GET4: variants seen among roughly 807,000 people sequenced by gnomAD.
GET4 encodes the protein guided entry of tail-anchored proteins factor 4.
In GET4, 20 loss-of-function variants were observed where a neutral mutation model predicts 40.0. The observed-to-expected ratio is 0.50, with a 90% CI of 0.35 to 0.73. GET4 has a LOEUF of 0.73. Among genes scored for constraint, GET4 ranks in the 30% least tolerant of loss-of-function variants. The pLI is 0.01. For synonymous variants in GET4, 280 were observed against 194.6 expected, an observed-to-expected ratio of 1.44 and a Z score of -3.65; for missense variants, 557 against 454.0, an observed-to-expected ratio of 1.23 and a Z score of -2.06.
Position 895,632 on chromosome 7 carries a change from C to CAAGAG in GET4, c.*210_*211insAAGAG. 2 of 427,146 alleles carry CAAGAG rather than the reference C, an allele frequency of 4.7e-6. No homozygotes were observed. The highest frequency in any genetic ancestry group is 7.5e-5 in the East Asian group (2 of 26,688). The allele number at this position is 427,146 out of a possible 1,614,324, so 26.5% of individuals were successfully genotyped here. Reference sequence around the variant, plus strand: ...GGGACCCAAGAGTGGGGCGTCGCCCCTGCTGGCCGCCGCGTCCCCCGAGAT... The same window carrying CAAGAG: ...GGGACCCAAGAGTGGGGCGTCGCCCCAAGAGTGCTGGCCGCCGCGTCCCCCGAGAT... On this transcript the variant is annotated 3_prime_UTR_variant, in exon 9 of 9. Coordinates refer to ENST00000265857, the MANE Select transcript of GET4 (RefSeq NM_015949.3).
chr7:878,817 G>A (rs1207171192), intron 1 of GET4, among the ~76,000 whole-genome samples: 1 of 152,152 alleles, frequency 6.6e-6, no homozygotes, highest in Non-Finnish European at 1.5e-5. Context: ...CTGACCTCGC[G>A]ATCCGCCCAC....
At chr7:886,515 C>G in intron 2 of GET4, 54 bp from the exon 3 acceptor site, 1 of 1,344,990 alleles carries the variant, frequency 7.4e-7, no homozygotes, top group Non-Finnish European at 1.1e-6. Flanking sequence ...TCTTTGCTGT[C>G]CTGAACAGGT....
rs1844183069 is a variant in GET4 at position 886,140 on chromosome 7, C to T, written c.234+6C>T. 1 of 1,583,146 alleles carries T rather than the reference C, an allele frequency of 6.3e-7. No individual in the cohort carries two copies. Among genetic ancestry groups the T allele is most frequent in the Non-Finnish European group, 8.7e-7 (1 of 1,152,706 alleles). On this transcript the variant is annotated splice_donor_region_variant and intron_variant, in intron 2 of 8. Transcript: ENST00000265857. ...TCTTCTTCAGCCATGGCCAGGTAAG[C>T]CGTCTTGCTTCCTCCTGCATCCCTT...
At position 894,892 on chromosome 7, in the gene GET4, C is replaced by T. The variant is rs77949983; in HGVS notation, c.896-442C>T. ...CGCAGTTGGCCCCTGTGGGAGCAGC[C>T]GTTGAAGCTTTGGCACATCCAGTTG... On this transcript the variant is annotated intron_variant, in intron 8 of 8. Transcript: ENST00000265857. 6.2e-3 allele frequency among the ~76,000 whole-genome samples: 948 copies of T among 152,318 alleles called. 36 individuals are homozygous for T. The East Asian group carries it at 0.1, about 16-fold the overall frequency.
At chr7:882,582 TGG>T (rs1844107799) in intron 1 of GET4, 1 of 150,556 alleles carries the variant, frequency 6.6e-6, no homozygotes, top group African/African-American at 2.5e-5. Flanking sequence ...GCTCCAGGGA[TGG>T]CGCGGGTTGT....
rs369938903 is a variant in GET4 at position 896,065 on chromosome 7, CTG to C, written c.*646_*647del. 2.0e-5 allele frequency: 3 copies of C among 152,248 alleles called. No homozygotes were observed. The highest frequency in any genetic ancestry group is 7.2e-5 in the African/African-American group (3 of 41,460). The allele number at this position is 152,248 out of a possible 1,614,324, so 9.4% of individuals were successfully genotyped here. A position where few individuals can be genotyped will look rare whatever the true frequency, so the allele number is the denominator to read the frequency against. ...TCCCAGAGCTGCGCCCTGCTGGTCT[CTG>C]TGAGCGCCACGCTGCTGTGCTGGAA... On this transcript the variant is annotated 3_prime_UTR_variant, in exon 9 of 9. Transcript: ENST00000265857.
intron 8 of GET4, among the ~76,000 whole-genome samples, chr7:894,771 G>A (rs60204848): frequency 6.2e-4 from 95 of 152,342 alleles, no homozygotes; most frequent in African/African-American, 1.9e-3. Flanking sequence ...CAAAGAACAC[G>A]GTGTAACGTC....
At chr7:890,901 T>G (rs758862601) in intron 4 of GET4, 27 bp from the exon 5 acceptor site, 7 of 1,544,994 alleles carry the variant, frequency 4.5e-6, no homozygotes, top group Non-Finnish European at 5.4e-6. Flanking sequence ...TGAAATGTAT[T>G]TACATTTTTC....
At chr7:894,218 C>T (rs1221479705) in intron 8 of GET4, among the ~76,000 whole-genome samples, 2 of 152,098 alleles carry the variant, frequency 1.3e-5, no homozygotes, top group East Asian at 3.9e-4. Flanking sequence ...CATTTCCTGG[C>T]AGGGATCACA....
intron 8 of GET4, among the ~76,000 whole-genome samples, chr7:894,772 G>C (rs894250194): frequency 5.3e-5 from 8 of 152,370 alleles, no homozygotes; most frequent in Admixed American, 2.6e-4. Flanking sequence ...AAAGAACACG[G>C]TGTAACGTCT....
At chr7:884,867 G>C (rs1343874010) in intron 1 of GET4, 2 of 153,704 alleles carry the variant, frequency 1.3e-5, no homozygotes, top group Non-Finnish European at 2.9e-5. Flanking sequence ...CTGCGGCCTT[G>C]ACTACCCGGA....
intron 3 of GET4, 63 bp downstream of exon 3, chr7:886,713 G>C: frequency 9.5e-7 from 1 of 1,054,330 alleles, no homozygotes. Flanking sequence ...CCCTCCCCGG[G>C]TCTCTGCGCT....
intron 1 of GET4, chr7:880,167 C>T (rs964760136): frequency 2.0e-5 from 3 of 152,270 alleles, no homozygotes; most frequent in African/African-American, 7.2e-5. Flanking sequence ...CATGGAGAAA[C>T]CCTGTCTCTA....
Position 876,682 on chromosome 7 carries a change from GC to G in GET4, c.40del (p.Arg14GlyfsTer101). The G allele has an allele frequency of 7.5e-7, 1 of 1,341,644 alleles. No individual in the cohort carries two copies. The highest frequency in any genetic ancestry group is 9.7e-7 in the Non-Finnish European group (1 of 1,033,406). 83.1% of individuals were successfully genotyped at this position (1,341,644 alleles called of 1,614,324 possible). ...AAAAMAEQES[A>X]RNGGRNRGGV... ...GGCGGCGATGGCCGAGCAGGAGAGC[GC>G]CCGGAACGGCGGCCGCAACCGCGGC... On this transcript the variant is annotated frameshift_variant, in exon 1 of 9. Transcript: ENST00000265857. LOFTEE classifies it high-confidence loss of function.
rs553872087 is a variant in GET4 at position 878,353 on chromosome 7, A to G, written c.155+1553A>G. 117 of 471,136 alleles carry G rather than the reference A, an allele frequency of 2.5e-4. 2 individuals carry two copies. The highest frequency in any genetic ancestry group is 2.2e-3 in the African/African-American group (108 of 50,200). The allele number at this position is 471,136 out of a possible 1,614,324, so 29.2% of individuals were successfully genotyped here. A position where few individuals can be genotyped will look rare whatever the true frequency, so the allele number is the denominator to read the frequency against. ...GTGTGTGGCATTCTGTAAATTATGC[A>G]TATCAGATTATCTCTTATGGTTCAG... On this transcript the variant is annotated intron_variant, in intron 1 of 8. Coordinates refer to ENST00000265857, the MANE Select transcript of GET4 (RefSeq NM_015949.3).
Position 877,138 on chromosome 7 carries a change from C to T in GET4, c.155+338C>T, listed in dbSNP as rs536793015. On this transcript the variant is annotated intron_variant, in intron 1 of 8. Transcript: ENST00000265857. Reference sequence around the variant, plus strand: ...CGGCCTTCCTCTGTCTCCTCGGCCGCCTCCCGCCTCGTCCTTCGGTCTCTG... The same window carrying T: ...CGGCCTTCCTCTGTCTCCTCGGCCGTCTCCCGCCTCGTCCTTCGGTCTCTG... Among the ~76,000 whole-genome samples the T allele has an allele frequency of 4.6e-5, 7 of 151,834 alleles. No individual in the cohort carries two copies. In the South Asian group the frequency reaches 1.5e-3, roughly 32 times the overall value.
intron 1 of GET4, chr7:883,884 G>GC (rs998464116): frequency 2.0e-6 from 2 of 1,024,410 alleles, no homozygotes; most frequent in Non-Finnish European, 2.3e-6. Context: ...GGAAACGGGT[G>GC]CCCCCAGCCA....
chr7:879,109 C>G (rs1424457357), intron 1 of GET4, among the ~76,000 whole-genome samples: 1 of 152,178 alleles, frequency 6.6e-6, no homozygotes, highest in Non-Finnish European at 1.5e-5. Flanking sequence ...TCTGCTGGGC[C>G]TAGATTTTAA....
chr7:885,902 C>A, intron 1 of GET4, 154 bp from the exon 2 acceptor site: 1 of 636,462 alleles, frequency 1.6e-6, no homozygotes, highest in Non-Finnish European at 2.8e-6. Flanking sequence ...CAGGATAGAC[C>A]CCCTCCACGC....
Sources: gnomAD v4.1 joint callset for allele counts (sites outside exome capture counted in the v4.1 genomes callset) on GRCh38, gnomAD v4.1.1 for gene constraint, MANE v1.5 for transcripts, NCBI Gene and HGNC (gene_info 2026-07-23, HGNC 2026-07-21) for gene names.